Variants in CHRM5 observed in about 807,000 individuals in gnomAD.
CHRM5 encodes cholinergic receptor muscarinic 5, also known as muscarinic acetylcholine receptor M5.
A neutral mutation model predicts 39.0 loss-of-function variants in CHRM5; 18 were observed. The ratio of observed to expected loss-of-function variants is 0.46; its 90% CI spans 0.32 to 0.68. The LOEUF (loss-of-function observed/expected upper bound fraction) is 0.68, where lower values mean the gene tolerates loss of function less well. Ranked by LOEUF, CHRM5 falls within the 30% of genes least tolerant of loss-of-function variation. The pLI is 0.04. For missense variants in CHRM5, 515 were observed against 651.1 expected, an observed-to-expected ratio of 0.79 and a Z score of 2.28; for synonymous variants, 241 against 246.3, an observed-to-expected ratio of 0.98 and a Z score of 0.20.
intron 2 of CHRM5, among the ~76,000 whole-genome samples, chr15:34,051,270 C>A (rs1174215706): frequency 3.4e-5 from 5 of 147,690 alleles, no homozygotes; most frequent in Non-Finnish European, 7.4e-5. Context: ...GAAATTAAGA[C>A]AGAAATCAAG....
rs1381468436 is a variant in CHRM5 at position 34,046,808 on chromosome 15, G to A, written c.-139G>A. Reference sequence around the variant, plus strand: ...CAGAAAACAAAGAAAAGCAGGGTGGGGTGACGGCCCACCTGGGAGCAGCAC... The same window carrying A: ...CAGAAAACAAAGAAAAGCAGGGTGGAGTGACGGCCCACCTGGGAGCAGCAC... On this transcript the variant is annotated 5_prime_UTR_variant, in exon 2 of 3. Coordinates refer to ENST00000383263, the MANE Select transcript of CHRM5 (RefSeq NM_012125.4). 3 of 152,382 alleles carry A rather than the reference G, an allele frequency of 2.0e-5. No homozygotes were observed. The highest frequency in any genetic ancestry group is 6.5e-5 in the Admixed American group (1 of 15,282). 9.4% of individuals were successfully genotyped at this position (152,382 alleles called of 1,614,324 possible).
intron 1 of CHRM5, among the ~76,000 whole-genome samples, chr15:34,013,672 G>A (rs1897735702): frequency 1.3e-5 from 2 of 152,176 alleles, no homozygotes; most frequent in African/African-American, 4.8e-5. Context: ...AACATATATA[G>A]TGTGATATCA....
At position 33,992,212 on chromosome 15, in the gene CHRM5, C is replaced by T. The variant is rs953442713; in HGVS notation, c.-408+23062C>T. ...ACCATCCTGGCTAACAAGGTGAAAC[C>T]CCGTCTCTACTAAAAAAATACAAAA... is the stretch of plus-strand genomic sequence containing the variant. On this transcript the variant is annotated intron_variant, in intron 1 of 2. Transcript: ENST00000383263. 2.9e-4 allele frequency among the ~76,000 whole-genome samples: 44 copies of T among 152,230 alleles called. 1 individual carries two copies. The highest frequency in any genetic ancestry group is 2.8e-4 in the Non-Finnish European group (19 of 68,026).
chr15:34,056,869 C>A (rs1900172913), intron 2 of CHRM5, among the ~76,000 whole-genome samples: 1 of 152,060 alleles, frequency 6.6e-6, no homozygotes, highest in South Asian at 2.1e-4. Flanking sequence ...TATCTCAAAG[C>A]AAAATGAAAC....
At chr15:34,001,346 C>A (rs1207094516) in intron 1 of CHRM5, among the ~76,000 whole-genome samples, 1 of 152,124 alleles carries the variant, frequency 6.6e-6, no homozygotes, top group Admixed American at 6.5e-5. Flanking sequence ...TAACTGCCTT[C>A]CAACATTTAT....
In CHRM5 at chr15:34,002,951, A is replaced by C. The variant is rs1897193717; in HGVS notation, c.-408+33801A>C. The C allele has an allele frequency of 4.7e-6, 6 of 1,266,428 alleles. No homozygotes were observed. In the Admixed American group the frequency reaches 1.4e-4, roughly 30 times the overall value. The allele number at this position is 1,266,428 out of a possible 1,614,324, so 78.4% of individuals were successfully genotyped here. A position where few individuals can be genotyped will look rare whatever the true frequency, so the allele number is the denominator to read the frequency against. ...ACAAAGGATAAATTGCTAGTTATAA[A>C]AGTAGAATTTAAAAACATATATAAA... On this transcript the variant is annotated intron_variant, in intron 1 of 2. Transcript: ENST00000383263.
At chr15:33,989,450 T>TA (rs568555472) in intron 1 of CHRM5, among the ~76,000 whole-genome samples, 32,020 of 142,386 alleles carry the variant, frequency 0.22, 3,870 homozygotes, top group Middle Eastern at 0.4. Context: ...GTTTGGAGTT[T>TA]AAAAAAAAAA....
intron 1 of CHRM5, among the ~76,000 whole-genome samples, chr15:34,028,910 T>C (rs1898627629): frequency 1.3e-5 from 2 of 151,620 alleles, no homozygotes. Flanking sequence ...AAAAAAAAAA[T>C]TGGGAGAGAA....
At chr15:33,979,810 G>A (rs2632086) in intron 1 of CHRM5, among the ~76,000 whole-genome samples, 123,457 of 152,166 alleles carry the variant, frequency 0.81, 54,962 homozygotes, top group Non-Finnish European at 0.98. Flanking sequence ...AGCTCCAGTG[G>A]TCAAGAAAAA....
At chr15:34,030,131 G>T (rs1033294469) in intron 1 of CHRM5, among the ~76,000 whole-genome samples, 29 of 152,014 alleles carry the variant, frequency 1.9e-4, no homozygotes, top group Admixed American at 4.6e-4. Flanking sequence ...GCACATGTCT[G>T]TAATCCCAGC....
At chr15:34,029,002 C>T (rs1032297148) in intron 1 of CHRM5, among the ~76,000 whole-genome samples, 1 of 152,126 alleles carries the variant, frequency 6.6e-6, no homozygotes, top group Non-Finnish European at 1.5e-5. Flanking sequence ...TTATTTACTA[C>T]CTTGAAATAA....
chr15:34,040,719 G>T (rs1353374309), intron 1 of CHRM5, among the ~76,000 whole-genome samples: 1 of 151,898 alleles, frequency 6.6e-6, no homozygotes, highest in Non-Finnish European at 1.5e-5. Flanking sequence ...CCTGAGACAT[G>T]AGTTCAAGAT....
chr15:34,013,907 C>T (rs532843518), intron 1 of CHRM5, among the ~76,000 whole-genome samples: 3 of 152,160 alleles, frequency 2.0e-5, no homozygotes, highest in Non-Finnish European at 4.4e-5. Context: ...ACTGAAGGAA[C>T]GGCTGCTATC....
intron 1 of CHRM5, among the ~76,000 whole-genome samples, chr15:33,997,178 A>G (rs1270658896): frequency 6.6e-6 from 1 of 152,236 alleles, no homozygotes; most frequent in Non-Finnish European, 1.5e-5. Context: ...CATAAACAGT[A>G]GGATAGAAAA....
chr15:34,019,054 T>G (rs1035511084), intron 1 of CHRM5, among the ~76,000 whole-genome samples: 1 of 151,936 alleles, frequency 6.6e-6, no homozygotes, highest in Non-Finnish European at 1.5e-5. Flanking sequence ...TTTTACAGAG[T>G]GCTGATTGGT....
At chr15:33,979,809 G>T (rs535142875) in intron 1 of CHRM5, among the ~76,000 whole-genome samples, 6 of 152,242 alleles carry the variant, frequency 3.9e-5, no homozygotes, top group African/African-American at 1.4e-4. Flanking sequence ...GAGCTCCAGT[G>T]GTCAAGAAAA....
chr15:34,024,407 T>G (rs1379116845), intron 1 of CHRM5, among the ~76,000 whole-genome samples: 1 of 148,790 alleles, frequency 6.7e-6, no homozygotes, highest in Non-Finnish European at 1.5e-5. Context: ...CCCAGCATTT[T>G]GGGAGGCCAA....
chr15:34,050,687 G>A (rs1899898751), intron 2 of CHRM5, among the ~76,000 whole-genome samples: 3 of 152,130 alleles, frequency 2.0e-5, no homozygotes, highest in African/African-American at 7.2e-5. Flanking sequence ...ACAGAAAAAA[G>A]TAGGGGTTGC....
chr15:33,977,498 G>A (rs922755628), intron 1 of CHRM5, among the ~76,000 whole-genome samples: 2 of 152,078 alleles, frequency 1.3e-5, no homozygotes, highest in East Asian at 1.9e-4. Flanking sequence ...CTATGACAGC[G>A]TGCTTTGATT....
Sources: allele counts gnomAD v4.1 joint callset (sites outside exome capture counted in the v4.1 genomes callset), GRCh38; gene constraint gnomAD v4.1.1; transcripts MANE v1.5; gene names NCBI Gene and HGNC (gene_info 2026-07-23, HGNC 2026-07-21).